The following CCT4 variants were observed in gnomAD, a reference collection of about 807,000 sequenced individuals.
CCT4 encodes the protein T-complex protein 1 subunit delta.
Under a neutral mutation model 62.5 loss-of-function variants are expected in CCT4, and 17 were observed. That is an observed-to-expected ratio of 0.27 (90% CI 0.19 to 0.41). The LOEUF (loss-of-function observed/expected upper bound fraction) is 0.41, where lower values mean the gene tolerates loss of function less well. CCT4 is among the 10% of genes least tolerant of loss of function. CCT4 has a pLI of 1.00. For synonymous variants in CCT4, 250 were observed against 229.9 expected (o/e 1.09, Z -0.79); for missense variants, 592 against 659.2 (o/e 0.90, Z 1.12).
At chr2:61,869,845 G>C (rs1347130494) in intron 12 of CCT4, among the ~76,000 whole-genome samples, 1 of 151,202 alleles carries the variant, frequency 6.6e-6, no homozygotes, top group Non-Finnish European at 1.5e-5. Context: ...GTGTTAGCCA[G>C]GATGGTCTCA....
At chr2:61,884,131 A>G (rs1010391934) in intron 2 of CCT4, among the ~76,000 whole-genome samples, 1 of 152,198 alleles carries the variant, frequency 6.6e-6, no homozygotes, top group Admixed American at 6.5e-5. Flanking sequence ...ACTAAACTGA[A>G]GTCCCAACAC....
chr2:61,879,167 C>A (rs1418047618), intron 4 of CCT4, among the ~76,000 whole-genome samples, 156 bp from the exon 5 acceptor site: 1 of 151,894 alleles, frequency 6.6e-6, no homozygotes, highest in Non-Finnish European at 1.5e-5. Context: ...GCTTGAATAA[C>A]CTGCTAACTA....
intron 8 of CCT4, among the ~76,000 whole-genome samples, chr2:61,874,741 A>C (rs1404845902): frequency 2.0e-5 from 3 of 152,256 alleles, no homozygotes. Flanking sequence ...TAGACCTTTA[A>C]ATAAATTCCA....
At chr2:61,872,686 G>C (rs1197551932) in intron 10 of CCT4, 98 bp from the exon 11 acceptor site, 1 of 1,211,054 alleles carries the variant, frequency 8.3e-7, no homozygotes, top group African/African-American at 1.5e-5. Context: ...CCAACACTTT[G>C]GGAGGATGAG....
At chr2:61,884,631 AT>A (rs1669208442) in intron 2 of CCT4, among the ~76,000 whole-genome samples, 2 of 149,526 alleles carry the variant, frequency 1.3e-5, no homozygotes, top group Non-Finnish European at 3.0e-5. Flanking sequence ...TTTTTATTTT[AT>A]TTATTTTTTT....
chr2:61,872,034 A>C, intron 12 of CCT4, 48 bp downstream of exon 12: 1 of 1,322,322 alleles, frequency 7.6e-7, no homozygotes, highest in Non-Finnish European at 1.1e-6. Context: ...AAAGCTTTTA[A>C]TATTTTAAAT....
chr2:61,869,575 G>A (rs1335214230), intron 12 of CCT4, 22 bp from the exon 13 acceptor site: 3 of 1,342,136 alleles, frequency 2.2e-6, no homozygotes, highest in Non-Finnish European at 3.2e-6. Flanking sequence ...ATCAGCACAA[G>A]TTGCTTTTAG....
In CCT4 at chr2:61,876,913, T is replaced by C. The variant is rs114155541; in HGVS notation, c.777+7A>G. On this transcript the variant is annotated splice_region_variant and intron_variant, in intron 7 of 13. Coordinates refer to ENST00000394440, the MANE Select transcript of CCT4 (RefSeq NM_006430.4). The stretch of plus-strand genomic sequence containing the variant: ...CAGAGAACCAATTTCATTTGGATTC[T>C]ACTTACGTCTGTTTTGGGAGCAGAT... 1.2e-3 allele frequency: 1,855 copies of C among 1,597,848 alleles called. 2 individuals carry two copies. Among genetic ancestry groups the C allele is most frequent in the Middle Eastern group, 1.5e-3 (9 of 5,994 alleles).
chr2:61,874,318 G>A lies in CCT4; in HGVS notation c.918-1025C>T, dbSNP rs548178262. On this transcript the variant is annotated intron_variant, in intron 8 of 13. Transcript: ENST00000394440. The stretch of plus-strand genomic sequence containing the variant: ...ACATTAATGGAGTAAATGGGAATGC[G>A]TCTATTAGGAAAAAATACTGGCCAG... 1.8e-4 allele frequency among the ~76,000 whole-genome samples: 27 copies of A among 152,042 alleles called. No individual in the cohort carries two copies. In the South Asian group the frequency reaches 1.9e-3, roughly 11 times the overall value.
intron 12 of CCT4, among the ~76,000 whole-genome samples, chr2:61,870,731 C>T (rs1668866260): frequency 6.6e-6 from 1 of 152,062 alleles, no homozygotes; most frequent in Non-Finnish European, 1.5e-5. Flanking sequence ...CCAGCCTCAG[C>T]AACACAGTGA....
chr2:61,869,061 G>A (rs1279275720), intron 13 of CCT4, among the ~76,000 whole-genome samples: 3 of 145,582 alleles, frequency 2.1e-5, no homozygotes, highest in Non-Finnish European at 4.5e-5. Context: ...AGAATCGCTT[G>A]AACCCAGGAG....
intron 12 of CCT4, 98 bp from the exon 13 acceptor site, chr2:61,869,651 TTCTTTCTG>T (rs1668843280): frequency 1.4e-6 from 1 of 702,310 alleles, no homozygotes; most frequent in Non-Finnish European, 2.7e-6. Context: ...AAATCTAGTT[TTCTTTCTG>T]TCTAAGAAGA....
intron 10 of CCT4, among the ~76,000 whole-genome samples, 178 bp downstream of exon 10, chr2:61,872,824 G>A (rs1164140731): frequency 1.3e-5 from 2 of 152,186 alleles, no homozygotes; most frequent in African/African-American, 4.8e-5. Context: ...CTTCCCGGGA[G>A]GCTGAGGCAG....
At chr2:61,875,957 G>A (rs576388510) in intron 8 of CCT4, 138 bp downstream of exon 8, 8 of 513,254 alleles carry the variant, frequency 1.6e-5, no homozygotes, top group South Asian at 1.3e-4. Flanking sequence ...TCTCCATTTC[G>A]TTTCACCTAA....
At chr2:61,878,224 G>A (rs549488403) in intron 5 of CCT4, among the ~76,000 whole-genome samples, 1 of 152,310 alleles carries the variant, frequency 6.6e-6, no homozygotes, top group Non-Finnish European at 1.5e-5. Context: ...GGGGAAGGAA[G>A]GGATAAACAC....
Position 61,883,550 on chromosome 2 carries a change from TA to T in CCT4, c.181-3del. ...TACATCACCTTTTCCATCTTGAATC[TA>T]GAAAAAAAATTTTAAAGTTATATTT... is the stretch of plus-strand genomic sequence containing the variant. On this transcript the variant is annotated splice_polypyrimidine_tract_variant and splice_region_variant and intron_variant, in intron 2 of 13. Coordinates refer to ENST00000394440, the MANE Select transcript of CCT4 (RefSeq NM_006430.4). 6.5e-7 allele frequency: 1 copy of T among 1,530,388 alleles called. No homozygotes were observed. 94.8% of individuals were successfully genotyped at this position (1,530,388 alleles called of 1,614,324 possible).
At chr2:61,884,748 C>A (rs1156306986) in intron 2 of CCT4, among the ~76,000 whole-genome samples, 1 of 152,050 alleles carries the variant, frequency 6.6e-6, no homozygotes, top group African/African-American at 2.4e-5. Flanking sequence ...CCTGCCACAG[C>A]CTCTCCAGGA....
chr2:61,870,164 C>T (rs1668854057), intron 12 of CCT4, among the ~76,000 whole-genome samples: 1 of 151,732 alleles, frequency 6.6e-6, no homozygotes, highest in Non-Finnish European at 1.5e-5. Context: ...GTAGTCCCAG[C>T]TACTCAGGAG....
In CCT4 at chr2:61,885,292, T is replaced by C. The variant is rs554732829; in HGVS notation, c.128-220A>G. 3.3e-5 allele frequency among the ~76,000 whole-genome samples: 5 copies of C among 152,240 alleles called. No homozygotes were observed. In the South Asian group the frequency reaches 1.0e-3, roughly 32 times the overall value. On this transcript the variant is annotated intron_variant, in intron 1 of 13. Transcript: ENST00000394440. ...TCATTGTGTTCTTATTAGGATATAG[T>C]GCATAACAAATCACCATGTCCACAG...
Sources: allele counts gnomAD v4.1 joint callset (sites outside exome capture counted in the v4.1 genomes callset), GRCh38; gene constraint gnomAD v4.1.1; transcripts MANE v1.5; gene names NCBI Gene and HGNC (gene_info 2026-07-23, HGNC 2026-07-21).